Variants in RYR2 observed in about 807,000 individuals in gnomAD.
RYR2 encodes ryanodine receptor 2.
RYR2 carries 227 observed loss-of-function variants against 601.1 expected under a neutral mutation model. That is an observed-to-expected ratio of 0.38 (90% CI 0.34 to 0.42). RYR2 has a LOEUF of 0.42. RYR2 is among the 10% of genes least tolerant of loss of function. RYR2 has a pLI of 1.00. For synonymous variants in RYR2, 2,223 were observed against 2,175.1 expected, an observed-to-expected ratio of 1.02 and a Z score of -0.61; for missense variants, 4,646 against 6,156.5, an observed-to-expected ratio of 0.75 and a Z score of 8.21.
In RYR2 at chr1:237,784,508, AAGC is replaced by A; in HGVS notation, c.12799_12801del (p.Gln4267del). On this transcript the variant is annotated inframe_deletion, in exon 90 of 105. Coordinates refer to ENST00000366574, the MANE Select transcript of RYR2 (RefSeq NM_001035.3). The surrounding 1 kb of genome is among the most constrained non-coding windows in gnomAD (Gnocchi z 7.1). The stretch of plus-strand genomic sequence containing the variant: ...AATGCTCAGTCTGAAGAGCCTGAAG[AAGC>A]AGATGAAAAAAGTAAAAAAGATGAC... The A allele has an allele frequency of 6.2e-7, 1 of 1,613,724 alleles. No individual in the cohort carries two copies.
chr1:237,268,615 T>C (rs1036721457), intron 1 of RYR2, among the ~76,000 whole-genome samples: 7 of 152,122 alleles, frequency 4.6e-5, no homozygotes, highest in Admixed American at 3.3e-4. Context: ...AGCTACGCTA[T>C]TAAATATTGG....
chr1:237,749,294 C>T (rs1055498394), intron 80 of RYR2, among the ~76,000 whole-genome samples: 10 of 152,122 alleles, frequency 6.6e-5, no homozygotes, highest in South Asian at 2.1e-4. Context: ...GCTGTGTGAG[C>T]GGAAGCCTCA....
Position 237,610,747 on chromosome 1 carries a change from C to T in RYR2, c.4684-15C>T, listed in dbSNP as rs201780507. 59 of 1,574,474 alleles carry T rather than the reference C, an allele frequency of 3.7e-5. No homozygotes were observed. Among genetic ancestry groups the T allele is most frequent in the Non-Finnish European group, 4.8e-5 (56 of 1,158,028 alleles). Reference sequence around the variant, plus strand: ...TGTTCTACATTTATTCTTTTTCTGCCTCCCCATCCGCTAGAATGTGATGCC... The same window carrying T: ...TGTTCTACATTTATTCTTTTTCTGCTTCCCCATCCGCTAGAATGTGATGCC... On this transcript the variant is annotated splice_polypyrimidine_tract_variant and intron_variant, in intron 35 of 104. Coordinates refer to ENST00000366574, the MANE Select transcript of RYR2 (RefSeq NM_001035.3). The surrounding 1 kb of genome is among the most constrained non-coding windows in gnomAD (Gnocchi z 4.9).
At chr1:237,570,120 A>G (rs1053045990) in intron 29 of RYR2, among the ~76,000 whole-genome samples, 1 of 151,042 alleles carries the variant, frequency 6.6e-6, no homozygotes, top group African/African-American at 2.4e-5. Context: ...TGAGAGGCTG[A>G]GGCAGGAGAA....
intron 29 of RYR2, among the ~76,000 whole-genome samples, chr1:237,576,808 T>C (rs1205602078): frequency 6.6e-6 from 1 of 152,122 alleles, no homozygotes; most frequent in East Asian, 1.9e-4. Context: ...GATGAAAAGG[T>C]ATGAACAGGT....
chr1:237,172,061 G>T (rs1677466049), intron 1 of RYR2, among the ~76,000 whole-genome samples: 1 of 152,192 alleles, frequency 6.6e-6, no homozygotes, highest in South Asian at 2.1e-4. Flanking sequence ...AAGAGAGGAG[G>T]AAATTAATCA....
At chr1:237,587,291 T>G (rs1674630148) in intron 29 of RYR2, among the ~76,000 whole-genome samples, 1 of 152,186 alleles carries the variant, frequency 6.6e-6, no homozygotes, top group African/African-American at 2.4e-5. Flanking sequence ...AGTATGTTGT[T>G]TGGGCCATTT....
intron 104 of RYR2, among the ~76,000 whole-genome samples, chr1:237,832,000 G>A (rs1366609905): frequency 6.6e-6 from 1 of 152,062 alleles, no homozygotes; most frequent in African/African-American, 2.4e-5. Context: ...TGAAGGATAC[G>A]ATATTTTAAG....
At chr1:237,421,022 C>T (rs976800073) in intron 11 of RYR2, among the ~76,000 whole-genome samples, 2 of 152,184 alleles carry the variant, frequency 1.3e-5, no homozygotes, top group African/African-American at 4.8e-5. Flanking sequence ...GGGCAGATCA[C>T]AAGGTCAGGA....
chr1:237,559,281 C>G (rs1559026089), intron 27 of RYR2, among the ~76,000 whole-genome samples: 1 of 152,138 alleles, frequency 6.6e-6, no homozygotes, highest in Non-Finnish European at 1.5e-5. Flanking sequence ...TTAACTTGCT[C>G]CTGCCCCATC....
intron 3 of RYR2, among the ~76,000 whole-genome samples, chr1:237,354,573 G>T (rs993986808): frequency 2.0e-5 from 3 of 151,760 alleles, no homozygotes; most frequent in Admixed American, 1.3e-4. Flanking sequence ...ATAAAAATTC[G>T]CCCTTTTAGA....
At chr1:237,208,963 T>TA (rs1158564777) in intron 1 of RYR2, among the ~76,000 whole-genome samples, 2 of 106,082 alleles carry the variant, frequency 1.9e-5, no homozygotes, top group East Asian at 3.8e-4. Context: ...TATATATATA[T>TA]ATATATATAT....
At chr1:237,617,703 G>A (rs1379613057) in intron 38 of RYR2, among the ~76,000 whole-genome samples, 3 of 152,108 alleles carry the variant, frequency 2.0e-5, no homozygotes, top group East Asian at 1.9e-4. Context: ...GTATATCACC[G>A]ACTCTTTGAG....
At chr1:237,190,799 C>G (rs1034457438) in intron 1 of RYR2, among the ~76,000 whole-genome samples, 1 of 152,180 alleles carries the variant, frequency 6.6e-6, no homozygotes, top group Non-Finnish European at 1.5e-5. Context: ...GTTCTGGAAC[C>G]AGTCCTCTGA....
At chr1:237,101,045 T>C (rs1436394833) in intron 1 of RYR2, among the ~76,000 whole-genome samples, 1 of 152,120 alleles carries the variant, frequency 6.6e-6, no homozygotes, top group Non-Finnish European at 1.5e-5. Context: ...CCAAGCCGCA[T>C]GACGGTGCTT....
At chr1:237,703,704 C>A (rs1688144131) in intron 66 of RYR2, among the ~76,000 whole-genome samples, 1 of 150,636 alleles carries the variant, frequency 6.6e-6, no homozygotes, top group Non-Finnish European at 1.5e-5. Context: ...ATAATTTTGA[C>A]ATAATCAATC....
rs1005458283 is a variant in RYR2 at position 237,590,908 on chromosome 1, T to C, written c.4076T>C (p.Val1359Ala). 57 of 1,613,728 alleles carry C rather than the reference T, an allele frequency of 3.5e-5. 1 individual carries two copies. The highest frequency in any genetic ancestry group is 1.9e-4 in the African/African-American group (14 of 74,886). The change falls in exon 31 of 105, where the codon GTT becomes GCT. Residue 1359 changes from valine to alanine, a missense_variant. Around this residue, in one of 17 missense-constraint regions of RYR2, gnomAD observed 1,807 missense variants for 2,088.1 expected, o/e 0.87. Coordinates refer to ENST00000366574, the MANE Select transcript of RYR2 (RefSeq NM_001035.3). ...CATGGCCATCTAGTGCCCGATCGTG[T>C]TGACAAAGACAAAGAAGCTACTAAA... ...TAHGHLVPDR[V>A]DKDKEATKPE...
chr1:237,643,089 C>G (rs1313327098), intron 47 of RYR2, among the ~76,000 whole-genome samples: 1 of 152,160 alleles, frequency 6.6e-6, no homozygotes, highest in Non-Finnish European at 1.5e-5. Context: ...ATGGATGAAC[C>G]AACTGGCCTA....
chr1:237,309,803 TGA>T (rs966968517), intron 2 of RYR2, among the ~76,000 whole-genome samples: 85 of 152,176 alleles, frequency 5.6e-4, no homozygotes, highest in African/African-American at 2.0e-3. Flanking sequence ...GGCGAGAATT[TGA>T]GCACAGCACC....
Sources: allele counts gnomAD v4.1 joint callset (sites outside exome capture counted in the v4.1 genomes callset), GRCh38; gene constraint gnomAD v4.1.1; regional missense constraint gnomAD v4.1.1; non-coding constraint Gnocchi (gnomAD v3.1); transcripts MANE v1.5; gene names NCBI Gene and HGNC (gene_info 2026-07-23, HGNC 2026-07-21).